Variants in LRP1B observed in about 807,000 individuals in gnomAD.
LRP1B encodes the protein low-density lipoprotein receptor-related protein 1B.
Under a neutral mutation model 556.6 loss-of-function variants are expected in LRP1B, and 217 were observed. The observed-to-expected ratio is 0.39, with a 90% confidence interval of 0.35 to 0.44. The LOEUF is 0.44. LRP1B is among the 20% of genes least tolerant of loss of function. The pLI is 1.00. For missense variants in LRP1B, 5,053 were observed against 5,620.8 expected, an observed-to-expected ratio of 0.90 and a Z score of 3.23; for synonymous variants, 2,047 against 1,865.8, an observed-to-expected ratio of 1.10 and a Z score of -2.50.
chr2:141,074,573 C>G (rs200230942), intron 7 of LRP1B, among the ~76,000 whole-genome samples: 950 of 67,852 alleles, frequency 0.014, 7 homozygotes, highest in African/African-American at 0.038. Context: ...CTCTCTGTCT[C>G]TCTCTCTCTC....
At chr2:141,951,161 C>T (rs1342643437) in intron 1 of LRP1B, among the ~76,000 whole-genome samples, 1 of 152,006 alleles carries the variant, frequency 6.6e-6, no homozygotes, top group African/African-American at 2.4e-5. Context: ...ATGCTTTCTT[C>T]TATGATCATT....
intron 3 of LRP1B, among the ~76,000 whole-genome samples, chr2:141,314,139 C>T (rs187468136): frequency 2.2e-3 from 335 of 152,076 alleles, no homozygotes; most frequent in Non-Finnish European, 3.6e-3. Flanking sequence ...TATTCTGTAT[C>T]GACATTCCAA....
chr2:142,001,284 T>C (rs1274624639), intron 1 of LRP1B, among the ~76,000 whole-genome samples: 1 of 152,210 alleles, frequency 6.6e-6, no homozygotes, highest in Non-Finnish European at 1.5e-5. Flanking sequence ...GGTAGATACA[T>C]CTGCTTAAAC....
At chr2:141,197,885 A>T (rs529779458) in intron 6 of LRP1B, among the ~76,000 whole-genome samples, 2 of 152,258 alleles carry the variant, frequency 1.3e-5, no homozygotes, top group East Asian at 3.9e-4. Flanking sequence ...TTTTGAAGAC[A>T]TCACAGAAAA....
At chr2:140,410,960 G>A (rs1018315649) in intron 66 of LRP1B, among the ~76,000 whole-genome samples, 3 of 152,078 alleles carry the variant, frequency 2.0e-5, no homozygotes, top group Non-Finnish European at 2.9e-5. Context: ...AATGGGTGCC[G>A]GGGTTACCTC....
chr2:140,695,262 T>C (rs1686389858), intron 41 of LRP1B, among the ~76,000 whole-genome samples: 1 of 152,100 alleles, frequency 6.6e-6, no homozygotes, highest in South Asian at 2.1e-4. Flanking sequence ...ATAATTCATT[T>C]GAGTTTTTGC....
intron 72 of LRP1B, among the ~76,000 whole-genome samples, chr2:140,364,182 T>C (rs913526900): frequency 6.6e-6 from 1 of 151,660 alleles, no homozygotes; most frequent in Non-Finnish European, 1.5e-5. Context: ...TGTAATGATA[T>C]AGACAGATAT....
Position 140,394,172 on chromosome 2 carries a change from A to G in LRP1B, c.10415-8163T>C, listed in dbSNP as rs147571247. On this transcript the variant is annotated intron_variant, in intron 66 of 90. Coordinates refer to ENST00000389484, the MANE Select transcript of LRP1B (RefSeq NM_018557.3). ...GTGCATACGCACTTAGTAAATATAT[A>G]ACATTCTTATTGTTTTAATCAGCTT... Among the ~76,000 whole-genome samples, 150 of 143,042 alleles carry G rather than the reference A, an allele frequency of 1.0e-3. 2 individuals are homozygous for G. Among genetic ancestry groups the G allele is most frequent in the African/African-American group, 3.5e-3 (137 of 38,988 alleles). 93.8% of individuals were successfully genotyped at this position (143,042 alleles called of 152,430 possible).
intron 77 of LRP1B, among the ~76,000 whole-genome samples, chr2:140,348,311 T>C (rs892180748): frequency 6.6e-6 from 1 of 152,080 alleles, no homozygotes. Context: ...CAAAGTTAAA[T>C]AGTTGCTTTT....
intron 82 of LRP1B, among the ~76,000 whole-genome samples, chr2:140,315,747 C>T (rs1424574439): frequency 6.6e-6 from 1 of 152,294 alleles, no homozygotes; most frequent in African/African-American, 2.4e-5. Flanking sequence ...ACATTTATAG[C>T]ATATGCACAC....
intron 2 of LRP1B, among the ~76,000 whole-genome samples, chr2:141,803,903 C>T (rs1015048782): frequency 6.6e-6 from 1 of 152,106 alleles, no homozygotes; most frequent in Non-Finnish European, 1.5e-5. Context: ...ATCCTACTAC[C>T]TAAATAAAGT....
intron 7 of LRP1B, among the ~76,000 whole-genome samples, chr2:141,064,667 A>G (rs1699431736): frequency 6.6e-6 from 1 of 151,974 alleles, no homozygotes; most frequent in Admixed American, 6.6e-5. Context: ...TTGAGTGCCT[A>G]TAGTCACATG....
Position 140,935,810 on chromosome 2 carries a change from A to AT in LRP1B, c.3137-12664dup, listed in dbSNP as rs938592018. ...AGATCCTCAGTATGATTATCAACAG[A>AT]TTTTTCATTGGAAGCTTGGATGGCA... On this transcript the variant is annotated intron_variant, in intron 20 of 90. Coordinates refer to ENST00000389484, the MANE Select transcript of LRP1B (RefSeq NM_018557.3). 2.6e-4 allele frequency among the ~76,000 whole-genome samples: 39 copies of AT among 151,886 alleles called. 1 individual carries two copies. Among genetic ancestry groups the AT allele is most frequent in the Non-Finnish European group, 8.8e-5 (6 of 67,970 alleles).
intron 2 of LRP1B, among the ~76,000 whole-genome samples, chr2:141,678,668 A>G (rs1690982530): frequency 6.6e-6 from 1 of 152,236 alleles, no homozygotes; most frequent in Non-Finnish European, 1.5e-5. Context: ...AAGAATATCT[A>G]CATATTAAGA....
chr2:140,675,723 A>G (rs1685647789), intron 41 of LRP1B, among the ~76,000 whole-genome samples: 1 of 152,170 alleles, frequency 6.6e-6, no homozygotes, highest in Non-Finnish European at 1.5e-5. Flanking sequence ...GTTGCAGTGC[A>G]CTATGATTGC....
intron 35 of LRP1B, among the ~76,000 whole-genome samples, chr2:140,750,189 C>T (rs1000025065): frequency 1.3e-5 from 2 of 151,868 alleles, no homozygotes; most frequent in African/African-American, 4.8e-5. Context: ...CATCCTTGAC[C>T]CTAATGCCTC....
In LRP1B at chr2:141,093,047, G is replaced by GTT. The variant is rs1246663146; in HGVS notation, c.1014-30776_1014-30775dup. Among the ~76,000 whole-genome samples, 6 of 134,610 alleles carry GTT rather than the reference G, an allele frequency of 4.5e-5. 1 individual carries two copies. Among genetic ancestry groups the GTT allele is most frequent in the Admixed American group, 3.8e-4 (5 of 13,218 alleles). The allele number at this position is 134,610 out of a possible 152,430, so 88.3% of individuals were successfully genotyped here. A position where few individuals can be genotyped will look rare whatever the true frequency, so the allele number is the denominator to read the frequency against. ...GGGAATATGGAGTCAAGACTTTTTT[G>GTT]TTGTTTTTTTTTTGTTAACACATTA... On this transcript the variant is annotated intron_variant, in intron 7 of 90. Coordinates refer to ENST00000389484, the MANE Select transcript of LRP1B (RefSeq NM_018557.3).
intron 1 of LRP1B, among the ~76,000 whole-genome samples, chr2:141,835,800 G>GTA (rs1430414187): frequency 6.6e-6 from 1 of 150,918 alleles, no homozygotes; most frequent in Non-Finnish European, 1.5e-5. Context: ...AAGTAGTGAG[G>GTA]TATACACACA....
intron 43 of LRP1B, among the ~76,000 whole-genome samples, chr2:140,558,190 T>C (rs1007861513): frequency 6.6e-6 from 1 of 152,302 alleles, no homozygotes; most frequent in Non-Finnish European, 1.5e-5. Flanking sequence ...ACAGCCACTT[T>C]AGAGAGCAGT....
Sources: gnomAD v4.1 joint callset for allele counts (sites outside exome capture counted in the v4.1 genomes callset) on GRCh38, gnomAD v4.1.1 for gene constraint, MANE v1.5 for transcripts, NCBI Gene and HGNC (gene_info 2026-07-23, HGNC 2026-07-21) for gene names.